LRFN5: variants seen among roughly 807,000 people sequenced by gnomAD.
LRFN5 encodes the protein leucine rich repeat and fibronectin type III domain containing 5.
A neutral mutation model predicts 45.6 loss-of-function variants in LRFN5; 24 were observed. The observed-to-expected ratio is 0.53, with a 90% CI of 0.38 to 0.74. The LOEUF is 0.74. Ranked by LOEUF, LRFN5 falls within the 30% of genes least tolerant of loss-of-function variation. The probability of loss-of-function intolerance (pLI) is 0.00; values close to 1 mark genes in which losing one functional copy is unlikely to be tolerated. For missense variants in LRFN5, 776 were observed against 861.5 expected (o/e 0.90, Z 1.24); for synonymous variants, 340 against 313.8 (o/e 1.08, Z -0.88).
chr14:41,688,279 A>G, intron 1 of LRFN5, among the ~76,000 whole-genome samples: 1 of 152,114 alleles, frequency 6.6e-6, no homozygotes, highest in East Asian at 1.9e-4. Context: ...GTCAATAATA[A>G]TTTATTGTAC....
In LRFN5 at chr14:41,857,890, A is replaced by G. The variant is rs72670408; in HGVS notation, c.-20-28716A>G. Among the ~76,000 whole-genome samples, 140 of 151,982 alleles carry G rather than the reference A, an allele frequency of 9.2e-4. 2 individuals carry two copies. The highest frequency in any genetic ancestry group is 1.5e-3 in the Non-Finnish European group (99 of 68,026). ...AATAAGAGGAGAAGAGAAAAGAGAT[A>G]GTTCCATTGGATGTGAAATACAAGA... is the stretch of plus-strand genomic sequence containing the variant. On this transcript the variant is annotated intron_variant, in intron 2 of 5. Transcript: ENST00000298119.
intron 2 of LRFN5, among the ~76,000 whole-genome samples, chr14:41,820,737 T>C (rs1888085303): frequency 1.3e-5 from 2 of 152,172 alleles, no homozygotes; most frequent in East Asian, 1.9e-4. Context: ...ATACTGATTC[T>C]TCCATTCCAT....
chr14:41,899,321 C>G (rs1320980802), intron 5 of LRFN5, among the ~76,000 whole-genome samples: 1 of 152,066 alleles, frequency 6.6e-6, no homozygotes, highest in Non-Finnish European at 1.5e-5. Flanking sequence ...TGTATTTACT[C>G]CTATCCTTGA....
chr14:41,787,319 C>A (rs974842299), intron 2 of LRFN5, among the ~76,000 whole-genome samples: 1 of 152,032 alleles, frequency 6.6e-6, no homozygotes, highest in African/African-American at 2.4e-5. Context: ...TTATCATTGT[C>A]CACCTAACCC....
intron 1 of LRFN5, among the ~76,000 whole-genome samples, chr14:41,766,408 A>T (rs1035848731): frequency 1.3e-5 from 2 of 152,188 alleles, no homozygotes; most frequent in Non-Finnish European, 2.9e-5. Flanking sequence ...TACGGGAAAA[A>T]CAACATAAGA....
At chr14:41,835,729 G>GCAAAA (rs150575318) in intron 2 of LRFN5, among the ~76,000 whole-genome samples, 124 of 151,910 alleles carry the variant, frequency 8.2e-4, no homozygotes, top group African/African-American at 2.7e-3. Flanking sequence ...CACGTCTCAA[G>GCAAAA]CAAAACAAAA....
intron 2 of LRFN5, among the ~76,000 whole-genome samples, chr14:41,808,426 A>G (rs1887610374): frequency 8.6e-6 from 1 of 116,630 alleles, no homozygotes. Context: ...GAAGGAAGGA[A>G]GGAAGAATCG....
intron 1 of LRFN5, among the ~76,000 whole-genome samples, chr14:41,753,176 G>A (rs1165594066): frequency 2.6e-5 from 4 of 150,966 alleles, no homozygotes; most frequent in Non-Finnish European, 3.0e-5. Context: ...TAGCCTTGTA[G>A]TATAGTTTGA....
intron 1 of LRFN5, among the ~76,000 whole-genome samples, chr14:41,755,015 G>A (rs1203762520): frequency 6.6e-6 from 1 of 151,978 alleles, no homozygotes; most frequent in Non-Finnish European, 1.5e-5. Context: ...CCTTCATTTC[G>A]TTATGTACCC....
At chr14:41,851,235 A>G (rs1231741700) in intron 2 of LRFN5, among the ~76,000 whole-genome samples, 1 of 151,656 alleles carries the variant, frequency 6.6e-6, no homozygotes, top group Admixed American at 6.6e-5. Flanking sequence ...TATGTATATT[A>G]CATAAAACAA....
chr14:41,636,184 T>C (rs1299147677), intron 1 of LRFN5, among the ~76,000 whole-genome samples: 2 of 152,128 alleles, frequency 1.3e-5, no homozygotes, highest in Admixed American at 1.3e-4. Context: ...AAGAGAAATA[T>C]TTGAAGCAAT....
At chr14:41,788,802 G>T (rs926268453) in intron 2 of LRFN5, among the ~76,000 whole-genome samples, 10 of 152,094 alleles carry the variant, frequency 6.6e-5, no homozygotes, top group African/African-American at 2.4e-4. Context: ...CACGTAAGCT[G>T]CAATTCAAGT....
At chr14:41,760,621 T>G (rs1885620040) in intron 1 of LRFN5, among the ~76,000 whole-genome samples, 1 of 152,154 alleles carries the variant, frequency 6.6e-6, no homozygotes, top group Admixed American at 6.6e-5. Flanking sequence ...ATGTGCAGTA[T>G]TATGGTTTCT....
rs1885603107 is a variant in LRFN5, at chr14:41,760,233, C to CATAA, written c.-196-6607_-196-6604dup. Among the ~76,000 whole-genome samples, 7 of 152,074 alleles carry CATAA rather than the reference C, an allele frequency of 4.6e-5. No homozygotes were observed. In the South Asian group the frequency reaches 1.5e-3, roughly 32 times the overall value. ...GCCACAAATAATTCTCTCCCTCATC[C>CATAA]ATAAATAAATAAATAAACATTTATT... On this transcript the variant is annotated intron_variant, in intron 1 of 5. Coordinates refer to ENST00000298119, the MANE Select transcript of LRFN5 (RefSeq NM_152447.5).
intron 1 of LRFN5, among the ~76,000 whole-genome samples, chr14:41,722,953 G>T (rs1417010710): frequency 2.6e-5 from 4 of 152,138 alleles, no homozygotes; most frequent in Non-Finnish European, 5.9e-5. Context: ...AATCAAATGG[G>T]TAGCCACCAA....
chr14:41,871,710 A>G (rs1890025851), intron 2 of LRFN5, among the ~76,000 whole-genome samples: 1 of 152,170 alleles, frequency 6.6e-6, no homozygotes, highest in Non-Finnish European at 1.5e-5. Flanking sequence ...TTCTACTCAC[A>G]GTATCCTGTT....
intron 2 of LRFN5, among the ~76,000 whole-genome samples, chr14:41,788,720 T>A (rs940823645): frequency 5.9e-5 from 9 of 152,072 alleles, no homozygotes; most frequent in Non-Finnish European, 1.2e-4. Context: ...CACAATTTTC[T>A]GCCTATAGAG....
chr14:41,890,716 A>T (rs1890750658), intron 3 of LRFN5, among the ~76,000 whole-genome samples: 1 of 144,780 alleles, frequency 6.9e-6, no homozygotes, highest in Non-Finnish European at 1.5e-5. Flanking sequence ...CAAAAAAAAA[A>T]AAAAAAACTT....
chr14:41,699,165 G>A (rs1451806662), intron 1 of LRFN5, among the ~76,000 whole-genome samples: 3 of 151,890 alleles, frequency 2.0e-5, no homozygotes, highest in Non-Finnish European at 4.4e-5. Flanking sequence ...CAGAGGAATC[G>A]CCTGGAGATT....
Sources: allele counts gnomAD v4.1 joint callset (sites outside exome capture counted in the v4.1 genomes callset), GRCh38; gene constraint gnomAD v4.1.1; transcripts MANE v1.5; gene names NCBI Gene and HGNC (gene_info 2026-07-23, HGNC 2026-07-21).